CPVL: variants seen among roughly 807,000 people sequenced by gnomAD.
The protein encoded by CPVL is probable serine carboxypeptidase CPVL.
Under a neutral mutation model 63.7 loss-of-function variants are expected in CPVL, and 51 were observed. The observed-to-expected ratio is 0.80, with a 90% CI of 0.64 to 1.01. CPVL has a LOEUF of 1.01. CPVL is among the 50% of genes least tolerant of loss of function. The probability of loss-of-function intolerance (pLI) is 0.00; values close to 1 mark genes in which losing one functional copy is unlikely to be tolerated. For missense variants in CPVL, 530 were observed against 573.1 expected, an observed-to-expected ratio of 0.92 and a Z score of 0.77; for synonymous variants, 195 against 206.0, an observed-to-expected ratio of 0.95 and a Z score of 0.46.
Position 29,086,569 on chromosome 7 carries a change from GAAC to G in CPVL, c.543-22_543-20del. 1 of 1,538,498 alleles carries G rather than the reference GAAC, an allele frequency of 6.5e-7. No homozygotes were observed. Among genetic ancestry groups the G allele is most frequent in the Admixed American group, 1.7e-5 (1 of 59,614 alleles). ...TAGTGCACTGCAAAAAGAAGAACAA[GAAC>G]AACACAAATTAATCAGAAAAATGAT... is the stretch of plus-strand genomic sequence containing the variant. On this transcript the variant is annotated intron_variant, in intron 6 of 12. Transcript: ENST00000265394.
chr7:29,105,020 T>G (rs1415408034), intron 3 of CPVL, among the ~76,000 whole-genome samples: 1 of 152,218 alleles, frequency 6.6e-6, no homozygotes, highest in East Asian at 1.9e-4. Flanking sequence ...CTGATGCCAT[T>G]AAGTACGTAG....
chr7:29,024,694 A>G (rs1024639269), intron 12 of CPVL, among the ~76,000 whole-genome samples: 1 of 152,244 alleles, frequency 6.6e-6, no homozygotes, highest in African/African-American at 2.4e-5. Flanking sequence ...TGGTATATTC[A>G]AAGTGCTGAA....
At chr7:29,093,398 A>G (rs1786044503) in intron 5 of CPVL, among the ~76,000 whole-genome samples, 1 of 135,498 alleles carries the variant, frequency 7.4e-6, no homozygotes. Context: ...AAAAAAAAAA[A>G]GAAAGAAACT....
Position 28,995,605 on chromosome 7 carries a change from A to G in CPVL, c.*167T>C. The G allele has an allele frequency of 3.3e-6, 2 of 597,908 alleles. No homozygotes were observed. Among genetic ancestry groups the G allele is most frequent in the Non-Finnish European group, 5.8e-6 (2 of 345,812 alleles). The allele number at this position is 597,908 out of a possible 1,614,324, so 37.0% of individuals were successfully genotyped here. On this transcript the variant is annotated 3_prime_UTR_variant, in exon 13 of 13. Transcript: ENST00000265394. The stretch of plus-strand genomic sequence containing the variant: ...TACTCATGTTAATTTTGTAGTAAAC[A>G]TCTCCCCCCAAAAACAAAAGCTCAC...
chr7:29,100,241 C>T (rs907019730), intron 3 of CPVL, among the ~76,000 whole-genome samples: 17 of 152,188 alleles, frequency 1.1e-4, no homozygotes, highest in Admixed American at 9.8e-4. Context: ...TCCTAAACTA[C>T]ATGTGAACTC....
chr7:29,016,637 T>C (rs1786440394), intron 12 of CPVL, among the ~76,000 whole-genome samples: 1 of 152,156 alleles, frequency 6.6e-6, no homozygotes, highest in Admixed American at 6.5e-5. Flanking sequence ...GAGGGCTCCA[T>C]ATACTAAACC....
intron 7 of CPVL, among the ~76,000 whole-genome samples, chr7:29,076,107 G>A (rs2128582526): frequency 6.6e-6 from 1 of 152,110 alleles, no homozygotes; most frequent in African/African-American, 2.4e-5. Context: ...GCCTTTTCCT[G>A]TATATATTTT....
At chr7:29,051,962 A>G (rs923088708) in intron 11 of CPVL, among the ~76,000 whole-genome samples, 1 of 147,044 alleles carries the variant, frequency 6.8e-6, no homozygotes, top group African/African-American at 2.5e-5. Flanking sequence ...ATATATATGA[A>G]TACTACTCAA....
intron 1 of CPVL, among the ~76,000 whole-genome samples, chr7:29,123,609 AAAAAAAAAAAAAAAAAAAAATATAT>A (rs1441040068): frequency 1.5e-4 from 14 of 91,008 alleles, no homozygotes; most frequent in Admixed American, 5.9e-4. Context: ...AAAAAAAAAA[AAAAAAAAAAAAAAAAAAAAATATAT>A]ATATATATAT....
chr7:29,062,274 C>T (rs1042481410), intron 11 of CPVL, among the ~76,000 whole-genome samples: 1 of 152,044 alleles, frequency 6.6e-6, no homozygotes, highest in African/African-American at 2.4e-5. Context: ...GTGCCATGTA[C>T]ACCTATGGGG....
intron 2 of CPVL, among the ~76,000 whole-genome samples, chr7:29,115,299 C>T (rs2128633938): frequency 6.6e-6 from 1 of 152,268 alleles, no homozygotes; most frequent in Non-Finnish European, 1.5e-5. Context: ...CCTGGTTCTC[C>T]CAGGGAAGAT....
chr7:29,013,272 A>G (rs1786037207), intron 12 of CPVL: 1 of 152,196 alleles, frequency 6.6e-6, no homozygotes, highest in African/African-American at 2.4e-5. Context: ...GCAGCTGCAC[A>G]TGTGACCTCA....
chr7:29,043,290 C>G (rs1008645239), intron 11 of CPVL, among the ~76,000 whole-genome samples: 3 of 151,048 alleles, frequency 2.0e-5, no homozygotes, highest in Admixed American at 6.6e-5. Context: ...TTTATCTAGA[C>G]AGGAAAACCT....
upstream of CPVL, chr7:29,147,165 G>C: frequency 1.5e-6 from 1 of 680,110 alleles, no homozygotes; most frequent in Non-Finnish European, 2.4e-6. Context: ...CCAGGTGCTG[G>C]GCATCGAGCC....
At chr7:29,160,793 C>T (rs562532179) in intron 5 of CPVL, among the ~76,000 whole-genome samples, 10 of 152,180 alleles carry the variant, frequency 6.6e-5, no homozygotes, top group Non-Finnish European at 1.5e-4. Context: ...CTAACAAACC[C>T]ACCCTGAGAC....
intron 4 of CPVL, among the ~76,000 whole-genome samples, chr7:29,183,174 T>TCG (rs1336166756): frequency 2.0e-5 from 3 of 149,242 alleles, no homozygotes; most frequent in African/African-American, 7.4e-5. Flanking sequence ...AACCTCCGCC[T>TCG]CCCAGGTTCA....
At chr7:29,041,368 C>T (rs1005385245) in intron 11 of CPVL, among the ~76,000 whole-genome samples, 15 of 152,114 alleles carry the variant, frequency 9.9e-5, no homozygotes, top group South Asian at 2.1e-4. Context: ...TGAGCCACCG[C>T]GCCTGGCCCA....
chr7:29,019,596 G>T (rs1192306298), intron 12 of CPVL, among the ~76,000 whole-genome samples: 1 of 152,198 alleles, frequency 6.6e-6, no homozygotes, highest in African/African-American at 2.4e-5. Context: ...TGTAGTGTTT[G>T]GCAGAGAATG....
intron 12 of CPVL, among the ~76,000 whole-genome samples, chr7:29,026,335 G>T (rs939886119): frequency 3.9e-5 from 6 of 152,036 alleles, no homozygotes; most frequent in African/African-American, 7.2e-5. Flanking sequence ...TAAGATGGAA[G>T]TTTATAGTAA....
Sources: allele counts gnomAD v4.1 joint callset (sites outside exome capture counted in the v4.1 genomes callset), GRCh38; gene constraint gnomAD v4.1.1; transcripts MANE v1.5; gene names NCBI Gene and HGNC (gene_info 2026-07-23, HGNC 2026-07-21).